MASP2: variants seen among roughly 807,000 people sequenced by gnomAD.
MASP2 encodes the protein mannan-binding lectin serine protease 2.
Under a neutral mutation model 57.1 loss-of-function variants are expected in MASP2, and 49 were observed. The observed-to-expected ratio is 0.86, with a 90% CI of 0.68 to 1.09. The LOEUF (loss-of-function observed/expected upper bound fraction) is 1.09, where lower values mean the gene tolerates loss of function less well. MASP2 is among the 50% of genes least tolerant of loss of function. The pLI is 0.00. For missense variants in MASP2, 900 were observed against 874.8 expected (o/e 1.03, Z -0.36); for synonymous variants, 379 against 340.8 (o/e 1.11, Z -1.24).
At chr1:11,037,465 G>C (rs1352652169) in intron 7 of MASP2, among the ~76,000 whole-genome samples, 3 of 151,652 alleles carry the variant, frequency 2.0e-5, no homozygotes, top group Non-Finnish European at 4.4e-5. Flanking sequence ...TTAAAGTTAA[G>C]TATAAAGAAA....
chr1:11,039,448 A>G (rs1638348696), intron 6 of MASP2, among the ~76,000 whole-genome samples: 1 of 133,672 alleles, frequency 7.5e-6, no homozygotes, highest in Non-Finnish European at 1.6e-5. Flanking sequence ...CTGGATAGAA[A>G]GATAAGTAAG....
At position 11,027,182 on chromosome 1, in the gene MASP2, G is replaced by C. The variant is rs972483649; in HGVS notation, c.1764C>G (p.Val588=). 6.2e-7 allele frequency: 1 copy of C among 1,614,074 alleles called. No individual in the cohort carries two copies. The highest frequency in any genetic ancestry group is 8.5e-7 in the Non-Finnish European group (1 of 1,180,034). The change falls in exon 11 of 11, where the codon GTC becomes GTG. Residue 588 remains valine, a synonymous_variant. Coordinates refer to ENST00000400897, the MANE Select transcript of MASP2 (RefSeq NM_006610.4). ...RGFLARNLMY[V]DIPIVDHQKC... ...TTTGATGGTCAACAATCGGTATGTC[G>C]ACATACATTAGATTTCTAGCAAGAA...
At chr1:11,046,445 C>T in intron 3 of MASP2, 111 bp downstream of exon 3, 1 of 1,282,000 alleles carries the variant, frequency 7.8e-7, no homozygotes, top group Admixed American at 1.9e-5. Context: ...GGCCTCTCCC[C>T]TGCCCTGGGA....
intron 4 of MASP2, chr1:11,044,967 C>CTGGA (rs1369947702): frequency 6.2e-7 from 1 of 1,610,336 alleles, no homozygotes; most frequent in South Asian, 1.1e-5. Context: ...GAAGAGAGAT[C>CTGGA]AGAGAGGCAA....
chr1:11,044,771 C>T lies in MASP2; in HGVS notation c.544+637G>A. 3.5e-6 allele frequency: 4 copies of T among 1,152,858 alleles called. 1 individual carries two copies. The highest frequency in any genetic ancestry group is 4.7e-6 in the Non-Finnish European group (4 of 845,710). 71.4% of individuals were successfully genotyped at this position (1,152,858 alleles called of 1,614,324 possible). A position where few individuals can be genotyped will look rare whatever the true frequency, so the allele number is the denominator to read the frequency against. On this transcript the variant is annotated intron_variant, in intron 4 of 10. Coordinates refer to ENST00000400897, the MANE Select transcript of MASP2 (RefSeq NM_006610.4). Reference sequence around the variant, plus strand: ...GCGCACCCCGCCGCCTCCCGACCCTCCCACCCCAGAGACACGTGGCAGCAG... The same window carrying T: ...GCGCACCCCGCCGCCTCCCGACCCTTCCACCCCAGAGACACGTGGCAGCAG...
At chr1:11,034,749 G>T in intron 8 of MASP2, 79 bp downstream of exon 8, 8 of 858,794 alleles carry the variant, frequency 9.3e-6, no homozygotes, top group Middle Eastern at 2.3e-4. Flanking sequence ...GAAAACCAGA[G>T]AAGCAATAGA....
At chr1:11,034,097 G>A (rs1643871950) in intron 8 of MASP2, among the ~76,000 whole-genome samples, 2 of 151,776 alleles carry the variant, frequency 1.3e-5, no homozygotes, top group Non-Finnish European at 2.9e-5. Context: ...AATTAGCCGG[G>A]TGTAGTGACA....
At chr1:11,036,193 T>G (rs1279517973) in intron 7 of MASP2, among the ~76,000 whole-genome samples, 9 of 152,142 alleles carry the variant, frequency 5.9e-5, no homozygotes, top group Non-Finnish European at 1.3e-4. Flanking sequence ...ATTTCAGGTC[T>G]TCTTGTGTTA....
At chr1:11,045,678 G>A in intron 3 of MASP2, 139 bp from the exon 4 acceptor site, 2 of 929,150 alleles carry the variant, frequency 2.2e-6, no homozygotes, top group Non-Finnish European at 3.2e-6. Flanking sequence ...GACTGGTGCC[G>A]GGCCAATCAC....
At chr1:11,040,465 TAAA>T (rs61379703) in intron 6 of MASP2, among the ~76,000 whole-genome samples, 8 of 96,288 alleles carry the variant, frequency 8.3e-5, no homozygotes, top group African/African-American at 1.2e-4. Flanking sequence ...AGTCTTTGTC[TAAA>T]AAAAAAAAAA....
chr1:11,026,668 C>T lies in MASP2; in HGVS notation c.*217G>A, dbSNP rs1643737284. ...ACACTGGGTGGGCAAAGATGACTGT[C>T]ACTCTCGTGGTTTATGTCCCCTTGA... On this transcript the variant is annotated 3_prime_UTR_variant, in exon 11 of 11. Transcript: ENST00000400897. 3 of 383,126 alleles carry T rather than the reference C, an allele frequency of 7.8e-6. No homozygotes were observed. The highest frequency in any genetic ancestry group is 2.6e-4 in the South Asian group (2 of 7,742). 23.7% of individuals were successfully genotyped at this position (383,126 alleles called of 1,614,324 possible). A position where few individuals can be genotyped will look rare whatever the true frequency, so the allele number is the denominator to read the frequency against.
intron 6 of MASP2, among the ~76,000 whole-genome samples, 186 bp downstream of exon 6, chr1:11,042,689 G>A (rs1638497622): frequency 6.6e-6 from 1 of 152,064 alleles, no homozygotes; most frequent in Non-Finnish European, 1.5e-5. Flanking sequence ...TGGGTGGCTG[G>A]CTGGAGGGAG....
chr1:11,044,761 T>TACCCA, intron 4 of MASP2: 4 of 1,313,604 alleles, frequency 3.0e-6, no homozygotes, highest in Non-Finnish European at 4.1e-6. Context: ...CCCCGCCGCC[T>TACCCA]CCCGACCCTC....
At chr1:11,044,761 T>TTCCC in intron 4 of MASP2, 9 of 1,313,606 alleles carry the variant, frequency 6.9e-6, no homozygotes, top group Middle Eastern at 2.8e-4. Flanking sequence ...CCCCGCCGCC[T>TTCCC]CCCGACCCTC....
At chr1:11,036,526 A>C (rs866685139) in intron 7 of MASP2, among the ~76,000 whole-genome samples, 5,057 of 139,026 alleles carry the variant, frequency 0.036, 226 homozygotes, top group African/African-American at 0.14. Context: ...AAAAAAAAAA[A>C]AAAAAAAAAA....
intron 4 of MASP2, 23 bp downstream of exon 4, chr1:11,045,385 G>T: frequency 6.2e-7 from 1 of 1,612,414 alleles, no homozygotes; most frequent in Non-Finnish European, 8.5e-7. Context: ...AGGGTGCGTT[G>T]GGGCCCAGGC....
chr1:11,043,219 A>C, intron 5 of MASP2, 120 bp downstream of exon 5: 1 of 1,034,440 alleles, frequency 9.7e-7, no homozygotes, highest in Non-Finnish European at 1.4e-6. Flanking sequence ...AGAGCACCTG[A>C]AGAGGTGGGG....
At chr1:11,033,346 A>G (rs1206927777) in intron 8 of MASP2, among the ~76,000 whole-genome samples, 1 of 150,314 alleles carries the variant, frequency 6.7e-6, no homozygotes, top group Non-Finnish European at 1.5e-5. Context: ...AAAAAGAAAA[A>G]GAAAAAAATA....
In MASP2 at chr1:11,027,621, C is replaced by T. The variant is rs1557664800; in HGVS notation, c.1325G>A (p.Gly442Glu). 6.2e-7 allele frequency: 1 copy of T among 1,612,802 alleles called. No homozygotes were observed. Among genetic ancestry groups the T allele is most frequent in the Non-Finnish European group, 8.5e-7 (1 of 1,179,206 alleles). ...PVCGLSARTT[G>E]GRIYGGQKAK... ...CTTTTGCCCTCCATATATACGCCCT[C>T]CTGTTGTGCGGGCTGATAGTCCACA... The change falls in exon 11 of 11, where the codon GGA becomes GAA. Residue 442 changes from glycine (G) to glutamate (E), a missense_variant. By Grantham distance (98) the Gly-to-Glu change is moderately conservative. Coordinates refer to ENST00000400897, the MANE Select transcript of MASP2 (RefSeq NM_006610.4).
Sources: allele counts gnomAD v4.1 joint callset (sites outside exome capture counted in the v4.1 genomes callset), GRCh38; gene constraint gnomAD v4.1.1; transcripts MANE v1.5; gene names NCBI Gene and HGNC (gene_info 2026-07-23, HGNC 2026-07-21).